Variants in GALNT15 observed in about 807,000 individuals in gnomAD.
The protein encoded by GALNT15 is UDP-GalNAc transferase T15.
Under a neutral mutation model 66.8 loss-of-function variants are expected in GALNT15, and 67 were observed. The observed-to-expected ratio is 1.00, with a 90% CI of 0.82 to 1.23. The LOEUF is 1.23. Among genes scored for constraint, GALNT15 ranks in the 50% most tolerant of loss-of-function variants. The pLI is 0.00. For synonymous variants in GALNT15, 313 were observed against 311.5 expected, an observed-to-expected ratio of 1.00 and a Z score of -0.05; for missense variants, 827 against 804.3, an observed-to-expected ratio of 1.03 and a Z score of -0.34.
At chr3:16,231,883 T>A, downstream of GALNT15, 1 of 1,536,212 alleles carries the variant, frequency 6.5e-7, no homozygotes, top group Non-Finnish European at 8.7e-7. The surrounding 1 kb of genome is among the most constrained non-coding windows in gnomAD (Gnocchi z 4.1). Flanking sequence ...GGACATCATT[T>A]GCTTCATTCA....
chr3:16,205,016 C>T (rs1457702125), intron 3 of GALNT15, among the ~76,000 whole-genome samples: 1 of 152,186 alleles, frequency 6.6e-6, no homozygotes, highest in Admixed American at 6.5e-5. Context: ...CCTCCTGCCC[C>T]CCCAGAGGGA....
At chr3:16,243,497 G>A in the GALNT15 span, among the ~76,000 whole-genome samples, 1 of 152,206 alleles carries the variant, frequency 6.6e-6, no homozygotes, top group African/African-American at 2.4e-5. Flanking sequence ...TTCCCTTGGG[G>A]CTATGCCCAC....
chr3:16,180,591 A>T lies in GALNT15; in HGVS notation c.539+4901A>T, dbSNP rs1003811683. On this transcript the variant is annotated intron_variant, in intron 1 of 9. Coordinates refer to ENST00000339732, the MANE Select transcript of GALNT15 (RefSeq NM_054110.5). This position sits in a 1 kb window ranked among gnomAD's most constrained non-coding sequence, Gnocchi z 5.0. The stretch of plus-strand genomic sequence containing the variant: ...TCTGAGTTGGAGCCCAGTAATCAGA[A>T]TTTTTTTAAGCTGATGCTAGATAGT... Among the ~76,000 whole-genome samples, 1 of 152,132 alleles carries T rather than the reference A, an allele frequency of 6.6e-6. No individual in the cohort carries two copies. Among genetic ancestry groups the T allele is most frequent in the African/African-American group, 2.4e-5 (1 of 41,418 alleles).
Position 16,186,961 on chromosome 3 carries a change from T to C in GALNT15, c.540-8799T>C, listed in dbSNP as rs755257849. 6.6e-6 allele frequency among the ~76,000 whole-genome samples: 1 copy of C among 152,112 alleles called. No individual in the cohort carries two copies. The highest frequency in any genetic ancestry group is 1.5e-5 in the Non-Finnish European group (1 of 68,030). ...TGTGAATTATATCTCAATAAAAATA[T>C]TATTAAAACATTAGTGATTTCAGGC... is the stretch of plus-strand genomic sequence containing the variant. On this transcript the variant is annotated intron_variant, in intron 1 of 9. Transcript: ENST00000339732. This position sits in a 1 kb window ranked among gnomAD's most constrained non-coding sequence, Gnocchi z 5.1.
rs148255171 is a variant in GALNT15, at chr3:16,213,063, G to A, written c.1392+300G>A. Among the ~76,000 whole-genome samples, 30 of 152,248 alleles carry A rather than the reference G, an allele frequency of 2.0e-4. No homozygotes were observed. In the East Asian group the frequency reaches 2.9e-3, roughly 15 times the overall value. ...AGGGGAGGGGTTGGCACAGAGAAGC[G>A]ATGAGATGGGTCTCCAAGGCCAGGT... On this transcript the variant is annotated intron_variant, in intron 6 of 9. Coordinates refer to ENST00000339732, the MANE Select transcript of GALNT15 (RefSeq NM_054110.5).
At chr3:16,222,409 G>A (rs2063952673) in intron 8 of GALNT15, among the ~76,000 whole-genome samples, 1 of 152,206 alleles carries the variant, frequency 6.6e-6, no homozygotes, top group Non-Finnish European at 1.5e-5. Context: ...GAATGTAAGA[G>A]CAGGTGGAAT....
At position 16,226,597 on chromosome 3, in the gene GALNT15, A is replaced by G. The variant is rs1252053615; in HGVS notation, c.1774-757A>G. 2.0e-5 allele frequency among the ~76,000 whole-genome samples: 3 copies of G among 151,692 alleles called. No individual in the cohort carries two copies. In the East Asian group the frequency reaches 5.8e-4, roughly 29 times the overall value. On this transcript the variant is annotated intron_variant, in intron 9 of 9. Coordinates refer to ENST00000339732, the MANE Select transcript of GALNT15 (RefSeq NM_054110.5). Reference sequence around the variant, plus strand: ...AAACAACCAATCTTGTGAGAACTCTATCAAGAAAACAGCAAGGGGGAAGTC... The same window carrying G: ...AAACAACCAATCTTGTGAGAACTCTGTCAAGAAAACAGCAAGGGGGAAGTC...
At chr3:16,242,879 G>T in the GALNT15 span, among the ~76,000 whole-genome samples, 1 of 152,174 alleles carries the variant, frequency 6.6e-6, no homozygotes, top group Non-Finnish European at 1.5e-5. The surrounding 1 kb of genome is among the most constrained non-coding windows in gnomAD (Gnocchi z 5.6). Context: ...TGCAGAACCT[G>T]AGCAAGGCCT....
chr3:16,207,501 T>TAAAAAAA (rs36127239), intron 3 of GALNT15, among the ~76,000 whole-genome samples: 7 of 39,842 alleles, frequency 1.8e-4, no homozygotes, highest in Non-Finnish European at 3.0e-4. Flanking sequence ...CTCCAGGCTG[T>TAAAAAAA]AAAAAAAAAA....
At position 16,186,798 on chromosome 3, in the gene GALNT15, G is replaced by A. The variant is rs774501716; in HGVS notation, c.540-8962G>A. ...GCTGTGGTAGTTGTGGGAGCAGTGG[G>A]AAGTGACTGCCAATGGGTAGTAGGT... On this transcript the variant is annotated intron_variant, in intron 1 of 9. Transcript: ENST00000339732. This position sits in a 1 kb window ranked among gnomAD's most constrained non-coding sequence, Gnocchi z 5.1. 6.6e-6 allele frequency among the ~76,000 whole-genome samples: 1 copy of A among 152,186 alleles called. No individual in the cohort carries two copies. The highest frequency in any genetic ancestry group is 1.5e-5 in the Non-Finnish European group (1 of 68,038).
chr3:16,197,195 C>T (rs1039485430), intron 2 of GALNT15, among the ~76,000 whole-genome samples: 2 of 152,186 alleles, frequency 1.3e-5, no homozygotes, highest in Non-Finnish European at 2.9e-5. Context: ...CTGTGCCCCT[C>T]GGGAGTACGG....
At chr3:16,236,667 G>A (rs1438801996), downstream of GALNT15, among the ~76,000 whole-genome samples, 1 of 152,216 alleles carries the variant, frequency 6.6e-6, no homozygotes. Context: ...AACAAAAAAA[G>A]AGGGAAACAG....
intron 2 of GALNT15, among the ~76,000 whole-genome samples, chr3:16,197,124 G>A (rs185338933): frequency 3.3e-5 from 5 of 152,320 alleles, no homozygotes; most frequent in Non-Finnish European, 5.9e-5. Flanking sequence ...CAAGTGGGGC[G>A]GGGTCCGCCC....
downstream of GALNT15, among the ~76,000 whole-genome samples, chr3:16,232,274 G>GATA (rs1388255770): frequency 2.6e-5 from 4 of 151,406 alleles, no homozygotes; most frequent in African/African-American, 9.7e-5. Flanking sequence ...TGACTTAAGA[G>GATA]ATAATGTGAG....
At chr3:16,223,387 T>C (rs1300981950) in intron 9 of GALNT15, among the ~76,000 whole-genome samples, 1 of 152,154 alleles carries the variant, frequency 6.6e-6, no homozygotes, top group Non-Finnish European at 1.5e-5. Context: ...GTATCAACAC[T>C]GTGTCCATAC....
intron 8 of GALNT15, among the ~76,000 whole-genome samples, chr3:16,220,867 T>C (rs1316484698): frequency 6.6e-6 from 1 of 152,170 alleles, no homozygotes; most frequent in Non-Finnish European, 1.5e-5. Context: ...CTATAGGACA[T>C]GTGGGAGGGA....
In GALNT15 at chr3:16,175,168, G is replaced by A. The variant is rs369529970; in HGVS notation, c.17G>A (p.Arg6Gln). The change falls in exon 1 of 10, where the codon CGA becomes CAA. Residue 6 changes from arginine to glutamine, a missense_variant. Transcript: ENST00000339732. This position sits in a 1 kb window ranked among gnomAD's most constrained non-coding sequence, Gnocchi z 5.6. The part of the protein sequence containing the change: MLLRK[R>Q]YRHRPCRLQF... ...TCTAGCAACATGCTCCTAAGGAAGC[G>A]ATACAGGCACAGACCATGCAGACTC... 17 of 1,611,294 alleles carry A rather than the reference G, an allele frequency of 1.1e-5. No individual in the cohort carries two copies. The South Asian group carries it at 1.1e-4, about 10-fold the overall frequency.
chr3:16,185,260 T>C (rs892382701), intron 1 of GALNT15, among the ~76,000 whole-genome samples: 1 of 152,196 alleles, frequency 6.6e-6, no homozygotes, highest in Non-Finnish European at 1.5e-5. Context: ...GTTTCCTTAC[T>C]CTGAGCTTCC....
At position 16,227,990 on chromosome 3, in the gene GALNT15, G is replaced by A; in HGVS notation, c.*490G>A. The A allele has an allele frequency of 2.0e-6, 2 of 990,682 alleles. No individual in the cohort carries two copies. The highest frequency in any genetic ancestry group is 2.4e-6 in the Non-Finnish European group (2 of 833,552). 61.4% of individuals were successfully genotyped at this position (990,682 alleles called of 1,614,324 possible). Reference sequence around the variant, plus strand: ...CTGAATTGGGTTTATTAGCACAAATGTTGTGTTCATTTGTTGAGCCATATC... The same window carrying A: ...CTGAATTGGGTTTATTAGCACAAATATTGTGTTCATTTGTTGAGCCATATC... On this transcript the variant is annotated 3_prime_UTR_variant, in exon 10 of 10. Transcript: ENST00000339732. The surrounding 1 kb of genome is among the most constrained non-coding windows in gnomAD (Gnocchi z 4.5).
Sources: allele counts gnomAD v4.1 joint callset (sites outside exome capture counted in the v4.1 genomes callset), GRCh38; gene constraint gnomAD v4.1.1; non-coding constraint Gnocchi (gnomAD v3.1); transcripts MANE v1.5; gene names NCBI Gene and HGNC (gene_info 2026-07-23, HGNC 2026-07-21).